The following RTN1 variants were observed in gnomAD, a reference collection of about 807,000 sequenced individuals.
RTN1 encodes the protein reticulon-1.
Under a neutral mutation model 65.5 loss-of-function variants are expected in RTN1, and 25 were observed. The ratio of observed to expected loss-of-function variants is 0.38; its 90% CI spans 0.28 to 0.53. The LOEUF (loss-of-function observed/expected upper bound fraction) is 0.53. RTN1 is among the 20% of genes least tolerant of loss of function. The pLI is 0.79. For missense variants in RTN1, 983 were observed against 1,025.4 expected (o/e 0.96, Z 0.57); for synonymous variants, 471 against 447.6 (o/e 1.05, Z -0.66).
intron 3 of RTN1, among the ~76,000 whole-genome samples, chr14:59,624,603 A>C (rs1023496060): frequency 1.3e-5 from 2 of 152,078 alleles, no homozygotes; most frequent in Non-Finnish European, 2.9e-5. Context: ...TTAGGACTAC[A>C]GGCGTGTGCC....
At chr14:59,610,087 T>G (rs1228887839) in intron 3 of RTN1, 1 of 774,912 alleles carries the variant, frequency 1.3e-6, no homozygotes, top group East Asian at 2.4e-5. Context: ...TTTGCTATTT[T>G]CAAGTGAATC....
intron 3 of RTN1, among the ~76,000 whole-genome samples, chr14:59,651,058 A>C (rs1470560354): frequency 6.6e-6 from 1 of 152,128 alleles, no homozygotes; most frequent in Non-Finnish European, 1.5e-5. Flanking sequence ...ATGGAACCAA[A>C]AAAGAACCTG....
At chr14:59,781,547 C>T (rs1416014544) in intron 1 of RTN1, among the ~76,000 whole-genome samples, 3 of 152,130 alleles carry the variant, frequency 2.0e-5, no homozygotes, top group Non-Finnish European at 4.4e-5. Flanking sequence ...CAAAACCCAG[C>T]CCCATGTTCT....
At chr14:59,726,740 G>C (rs1330993016) in intron 3 of RTN1, among the ~76,000 whole-genome samples, 179 bp downstream of exon 3, 3 of 152,124 alleles carry the variant, frequency 2.0e-5, no homozygotes, top group Admixed American at 6.5e-5. Context: ...ACCGACTTCT[G>C]TCCCAGCTGC....
intron 1 of RTN1, among the ~76,000 whole-genome samples, chr14:59,866,196 G>A (rs1887794863): frequency 6.6e-6 from 1 of 152,152 alleles, no homozygotes; most frequent in Admixed American, 6.5e-5. Flanking sequence ...AGGAAGTCAT[G>A]ACTGACCTGT....
intron 1 of RTN1, among the ~76,000 whole-genome samples, chr14:59,749,486 T>TATATCTATATATATCTATATATAG (rs1885356686): frequency 4.1e-5 from 3 of 73,340 alleles, no homozygotes; most frequent in Non-Finnish European, 6.6e-5. Context: ...TATATCTATA[T>TATATCTATATATATCTATATATAG]ATATCTATAT....
At chr14:59,726,502 G>A (rs1884762830) in intron 3 of RTN1, among the ~76,000 whole-genome samples, 1 of 152,180 alleles carries the variant, frequency 6.6e-6, no homozygotes, top group Non-Finnish European at 1.5e-5. Context: ...AATAGAACAT[G>A]CTAGTGGTGG....
chr14:59,635,124 T>C (rs1484553738), intron 3 of RTN1, among the ~76,000 whole-genome samples: 1 of 152,144 alleles, frequency 6.6e-6, no homozygotes, highest in African/African-American at 2.4e-5. Flanking sequence ...ATAGTGAACA[T>C]GTAAGGCATC....
chr14:59,651,607 AG>A (rs2140199671), intron 3 of RTN1, among the ~76,000 whole-genome samples: 1 of 152,138 alleles, frequency 6.6e-6, no homozygotes, highest in African/African-American at 2.4e-5. Flanking sequence ...GCATGGTAGC[AG>A]GCACCTGTAA....
chr14:59,805,266 T>C (rs1886616721), intron 1 of RTN1, among the ~76,000 whole-genome samples: 1 of 152,210 alleles, frequency 6.6e-6, no homozygotes, highest in Admixed American at 6.5e-5. Context: ...TCTGACATTG[T>C]TTATTATACT....
chr14:59,787,578 T>C (rs532370921), intron 1 of RTN1, among the ~76,000 whole-genome samples: 2 of 152,294 alleles, frequency 1.3e-5, no homozygotes, highest in Non-Finnish European at 2.9e-5. Flanking sequence ...TACTTGCCAG[T>C]GTGAAGTCAG....
chr14:59,843,082 TCCA>T (rs1292967446), intron 1 of RTN1, among the ~76,000 whole-genome samples: 7 of 152,162 alleles, frequency 4.6e-5, no homozygotes, highest in Non-Finnish European at 7.3e-5. Context: ...GTCCCAAATA[TCCA>T]CCAACAAGTG....
intron 1 of RTN1, among the ~76,000 whole-genome samples, chr14:59,848,949 A>AC (rs59123812): frequency 2.0e-5 from 3 of 150,532 alleles, no homozygotes; most frequent in Non-Finnish European, 4.5e-5. Flanking sequence ...AATAGTCCCC[A>AC]CCCCCCCGGG....
At chr14:59,611,365 A>T (rs1015581673) in intron 3 of RTN1, among the ~76,000 whole-genome samples, 7 of 152,182 alleles carry the variant, frequency 4.6e-5, no homozygotes, top group African/African-American at 1.7e-4. Flanking sequence ...TGCTGACCCA[A>T]TGTGCATGAA....
intron 1 of RTN1, among the ~76,000 whole-genome samples, chr14:59,856,701 G>A (rs1430140749): frequency 6.6e-6 from 1 of 152,168 alleles, no homozygotes; most frequent in African/African-American, 2.4e-5. Context: ...CTTCCCCATT[G>A]CTATTTGGCT....
chr14:59,642,779 T>C (rs1054353544), intron 3 of RTN1, among the ~76,000 whole-genome samples: 3 of 152,222 alleles, frequency 2.0e-5, no homozygotes, highest in Non-Finnish European at 4.4e-5. Context: ...CTGGATCATC[T>C]ATGGGTCTGC....
chr14:59,842,064 T>C (rs1239382771), intron 1 of RTN1, among the ~76,000 whole-genome samples: 1 of 151,252 alleles, frequency 6.6e-6, no homozygotes, highest in African/African-American at 2.4e-5. Context: ...AGGTGGAGGT[T>C]GCAGTGAGCC....
At chr14:59,752,524 C>CA (rs1217253342) in intron 1 of RTN1, among the ~76,000 whole-genome samples, 1 of 152,164 alleles carries the variant, frequency 6.6e-6, no homozygotes, top group African/African-American at 2.4e-5. Flanking sequence ...CAGATCACAA[C>CA]ACTGACCAAT....
intron 3 of RTN1, among the ~76,000 whole-genome samples, chr14:59,718,959 A>G (rs1013639720): frequency 2.0e-5 from 3 of 152,116 alleles, no homozygotes; most frequent in Admixed American, 6.5e-5. Flanking sequence ...CTCATCTCCA[A>G]TGCTACCACC....
Sources: gnomAD v4.1 joint callset for allele counts (sites outside exome capture counted in the v4.1 genomes callset) on GRCh38, gnomAD v4.1.1 for gene constraint, MANE v1.5 for transcripts, NCBI Gene and HGNC (gene_info 2026-07-23, HGNC 2026-07-21) for gene names.